The following ADGRL3 variants were observed in gnomAD, a reference collection of about 807,000 sequenced individuals.
ADGRL3 encodes the protein calcium-independent alpha-latrotoxin receptor 3.
In ADGRL3, 62 loss-of-function variants were observed where a neutral mutation model predicts 153.5. The observed-to-expected ratio is 0.40, with a 90% CI of 0.33 to 0.50. The LOEUF (loss-of-function observed/expected upper bound fraction) is 0.50, where lower values mean the gene tolerates loss of function less well. Among genes scored for constraint, ADGRL3 ranks in the 20% least tolerant of loss-of-function variants. The probability of loss-of-function intolerance (pLI) is 0.47; values close to 1 mark genes in which losing one functional copy is unlikely to be tolerated. For missense variants in ADGRL3, 1,641 were observed against 1,859.4 expected (o/e 0.88, Z 2.16); for synonymous variants, 710 against 672.5 (o/e 1.06, Z -0.86).
chr4:61,955,017 A>C (rs2098960934), intron 17 of ADGRL3, among the ~76,000 whole-genome samples: 1 of 152,186 alleles, frequency 6.6e-6, no homozygotes, highest in African/African-American at 2.4e-5. Flanking sequence ...TTCCAGCTGA[A>C]CGTTGCTTAG....
intron 1 of ADGRL3, among the ~76,000 whole-genome samples, chr4:61,224,746 T>C (rs1345596464): frequency 6.6e-6 from 1 of 152,196 alleles, no homozygotes; most frequent in Non-Finnish European, 1.5e-5. Flanking sequence ...CTCTTAGCCA[T>C]TCAGAAATCC....
chr4:61,603,252 C>G (rs1410735475), intron 5 of ADGRL3, among the ~76,000 whole-genome samples: 1 of 152,108 alleles, frequency 6.6e-6, no homozygotes, highest in Non-Finnish European at 1.5e-5. Flanking sequence ...GCATTTTCCT[C>G]TGAATGAAAT....
intron 4 of ADGRL3, among the ~76,000 whole-genome samples, chr4:61,573,527 T>G (rs1038984649): frequency 1.3e-5 from 2 of 151,944 alleles, no homozygotes; most frequent in Non-Finnish European, 2.9e-5. Context: ...TCCCTTCAGG[T>G]AATCCCACTC....
At chr4:61,976,068 CA>C (rs2099046903) in intron 17 of ADGRL3, among the ~76,000 whole-genome samples, 1 of 151,970 alleles carries the variant, frequency 6.6e-6, no homozygotes, top group Admixed American at 6.6e-5. Flanking sequence ...CATTCAAAAC[CA>C]AATATTTTTT....
intron 2 of ADGRL3, among the ~76,000 whole-genome samples, chr4:61,485,591 C>T (rs2098181908): frequency 6.6e-6 from 1 of 152,120 alleles, no homozygotes. Context: ...TAACCTAGCT[C>T]ATGATGAGAT....
At chr4:61,684,340 A>G (rs940092140) in intron 6 of ADGRL3, among the ~76,000 whole-genome samples, 2 of 152,138 alleles carry the variant, frequency 1.3e-5, no homozygotes, top group African/African-American at 2.4e-5. Context: ...AGGAGAAAAA[A>G]GGTGAAAGGC....
At chr4:61,416,800 T>C (rs1323906487) in intron 2 of ADGRL3, among the ~76,000 whole-genome samples, 3 of 152,178 alleles carry the variant, frequency 2.0e-5, no homozygotes, top group Non-Finnish European at 4.4e-5. Context: ...TTTAGGATGA[T>C]TCAACTGCAT....
At chr4:61,593,878 T>C (rs958138514) in intron 5 of ADGRL3, among the ~76,000 whole-genome samples, 2 of 152,156 alleles carry the variant, frequency 1.3e-5, no homozygotes, top group Non-Finnish European at 2.9e-5. Flanking sequence ...TCTGATATTA[T>C]CCCTATGAAT....
intron 1 of ADGRL3, among the ~76,000 whole-genome samples, chr4:61,269,583 A>C: frequency 6.6e-6 from 1 of 151,834 alleles, no homozygotes; most frequent in Middle Eastern, 3.4e-3. Flanking sequence ...TAAAGCCATA[A>C]AAAACTCTAT....
chr4:61,860,465 G>T (rs2098328956), intron 9 of ADGRL3, among the ~76,000 whole-genome samples: 1 of 152,000 alleles, frequency 6.6e-6, no homozygotes, highest in African/African-American at 2.4e-5. Context: ...CCCACAAGCA[G>T]AGATCGGGTA....
intron 4 of ADGRL3, among the ~76,000 whole-genome samples, chr4:61,563,514 T>A (rs2098803938): frequency 6.6e-6 from 1 of 152,222 alleles, no homozygotes; most frequent in African/African-American, 2.4e-5. Flanking sequence ...AGCCAGGCAT[T>A]GACTATTCTC....
At chr4:61,816,407 C>A (rs1422588134) in intron 9 of ADGRL3, among the ~76,000 whole-genome samples, 1 of 152,150 alleles carries the variant, frequency 6.6e-6, no homozygotes, top group Non-Finnish European at 1.5e-5. Flanking sequence ...TCACATGTCT[C>A]TCTCTTTATT....
At chr4:61,818,343 G>A (rs971309472) in intron 9 of ADGRL3, among the ~76,000 whole-genome samples, 1 of 152,150 alleles carries the variant, frequency 6.6e-6, no homozygotes, top group Non-Finnish European at 1.5e-5. Flanking sequence ...TGATGCAAGA[G>A]GTGGGTTGTC....
In ADGRL3 at chr4:61,744,525, G is replaced by C. The variant is rs1033968045; in HGVS notation, c.1399+10971G>C. 2.6e-5 allele frequency among the ~76,000 whole-genome samples: 4 copies of C among 152,146 alleles called. No homozygotes were observed. The East Asian group carries it at 7.7e-4, about 29-fold the overall frequency. On this transcript the variant is annotated intron_variant, in intron 8 of 26. Transcript: ENST00000683033. ...ACTCCTCTGAGACAAAAATTCCAGA[G>C]GAGCTATCAGGCAGCAGCGTTTGTG...
intron 9 of ADGRL3, among the ~76,000 whole-genome samples, chr4:61,843,372 T>G (rs2098062965): frequency 1.3e-5 from 2 of 152,170 alleles, no homozygotes. Context: ...TTTTCCAACT[T>G]TTTCTAGCAG....
chr4:61,898,468 G>A (rs1006005852), intron 11 of ADGRL3, among the ~76,000 whole-genome samples: 1 of 152,098 alleles, frequency 6.6e-6, no homozygotes, highest in African/African-American at 2.4e-5. Flanking sequence ...GCTCTAGAAT[G>A]GGAATTCTGG....
At chr4:61,250,041 A>G (rs1346868882) in intron 1 of ADGRL3, among the ~76,000 whole-genome samples, 1 of 152,148 alleles carries the variant, frequency 6.6e-6, no homozygotes, top group East Asian at 1.9e-4. Flanking sequence ...TTGTTTTGCA[A>G]TTGGTGTCTC....
chr4:61,358,662 T>C (rs555325850), intron 1 of ADGRL3, among the ~76,000 whole-genome samples: 108 of 151,142 alleles, frequency 7.1e-4, no homozygotes, highest in Non-Finnish European at 1.3e-3. Flanking sequence ...TTCTCAACTG[T>C]CTCCTGGGGC....
intron 25 of ADGRL3, among the ~76,000 whole-genome samples, chr4:62,066,236 C>G (rs1742928827): frequency 6.6e-6 from 1 of 151,994 alleles, no homozygotes; most frequent in South Asian, 2.1e-4. Context: ...AAGGTGAAAT[C>G]TTACATGAAA....
Sources: gnomAD v4.1 joint callset for allele counts (sites outside exome capture counted in the v4.1 genomes callset) on GRCh38, gnomAD v4.1.1 for gene constraint, MANE v1.5 for transcripts, NCBI Gene and HGNC (gene_info 2026-07-23, HGNC 2026-07-21) for gene names.